Variants in ANXA4 observed in about 807,000 individuals in gnomAD.
ANXA4 encodes annexin A4, also known as 35-beta calcimedin.
In ANXA4, 39 loss-of-function variants were observed where a neutral mutation model predicts 49.8. The observed-to-expected ratio is 0.78, with a 90% CI of 0.61 to 1.02. The LOEUF (loss-of-function observed/expected upper bound fraction) is 1.02. Among genes scored for constraint, ANXA4 ranks in the 50% least tolerant of loss-of-function variants. ANXA4 has a pLI of 0.00. For missense variants in ANXA4, 360 were observed against 410.1 expected, an observed-to-expected ratio of 0.88 and a Z score of 1.05; for synonymous variants, 134 against 152.5, an observed-to-expected ratio of 0.88 and a Z score of 0.89.
Position 69,825,444 on chromosome 2 carries a change from C to A in ANXA4, c.907-12C>A. The A allele has an allele frequency of 6.3e-7, 1 of 1,599,006 alleles. No individual in the cohort carries two copies. Among genetic ancestry groups the A allele is most frequent in the Non-Finnish European group, 8.5e-7 (1 of 1,172,706 alleles). On this transcript the variant is annotated splice_polypyrimidine_tract_variant and intron_variant, in intron 12 of 12. Coordinates refer to ENST00000394295, the MANE Select transcript of ANXA4 (RefSeq NM_001153.5). ...AAATCTATTTATCTAACTTTGCTTCCCTATCGAACAGGGTGACACATCTGG... is the reference window on the plus strand; with the variant it reads ...AAATCTATTTATCTAACTTTGCTTCACTATCGAACAGGGTGACACATCTGG...
At chr2:69,778,562 C>T (rs545567716) in intron 1 of ANXA4, among the ~76,000 whole-genome samples, 5 of 151,910 alleles carry the variant, frequency 3.3e-5, no homozygotes, top group South Asian at 4.2e-4. Flanking sequence ...GATCACCTGA[C>T]GTCGGGAGTT....
chr2:69,754,090 T>C (rs1283907950), intron 1 of ANXA4, among the ~76,000 whole-genome samples: 3 of 152,254 alleles, frequency 2.0e-5, no homozygotes, highest in African/African-American at 7.2e-5. Context: ...AGATCTGGCC[T>C]ACCAGGAGTA....
chr2:69,644,904 A>C (rs1675943427), exon 1 of ANXA4: 1 of 152,216 alleles, frequency 6.6e-6, no homozygotes, highest in Non-Finnish European at 1.5e-5. Flanking sequence ...AAAATTTGGA[A>C]GGTCAGTTGG....
At chr2:69,670,376 G>T (rs1677126781) in intron 2 of ANXA4, among the ~76,000 whole-genome samples, 1 of 149,618 alleles carries the variant, frequency 6.7e-6, no homozygotes, top group African/African-American at 2.5e-5. Context: ...GGAGGTGGAG[G>T]TTGCAGTGAG....
At chr2:69,668,583 T>A (rs1037078089) in intron 2 of ANXA4, among the ~76,000 whole-genome samples, 1 of 152,228 alleles carries the variant, frequency 6.6e-6, no homozygotes, top group Non-Finnish European at 1.5e-5. Context: ...TCATTATATA[T>A]GTATAGACAC....
At chr2:69,751,810 G>A (rs1670853414) in intron 1 of ANXA4, among the ~76,000 whole-genome samples, 1 of 152,116 alleles carries the variant, frequency 6.6e-6, no homozygotes, top group Admixed American at 6.6e-5. Context: ...TCAGAACCTT[G>A]GCGTAGGGTC....
Position 69,825,499 on chromosome 2 carries a change from G to A in ANXA4, c.950G>A (p.Cys317Tyr). Residue 317 changes from cysteine to tyrosine, a missense_variant, in exon 13 of 13, where the codon TGT becomes TAT. By Grantham distance (194) the Cys-to-Tyr change is radical. Transcript: ENST00000394295. ...TACAGGAAAGTACTGCTTGTTCTCTGTGGAGGAGATGATTAAAATAAAAAT... is the reference window on the plus strand; with the variant it reads ...TACAGGAAAGTACTGCTTGTTCTCTATGGAGGAGATGATTAAAATAAAAAT... ...GDYRKVLLVL[C>Y]GGDD The A allele has an allele frequency of 5.6e-6, 9 of 1,608,220 alleles. No homozygotes were observed. The highest frequency in any genetic ancestry group is 6.8e-6 in the Non-Finnish European group (8 of 1,178,136).
chr2:69,657,967 T>C (rs1676567064), intron 2 of ANXA4, among the ~76,000 whole-genome samples: 1 of 152,184 alleles, frequency 6.6e-6, no homozygotes, highest in Admixed American at 6.5e-5. Context: ...CTTGAAGAAG[T>C]TCCCTTTAAT....
intron 3 of ANXA4, among the ~76,000 whole-genome samples, chr2:69,789,742 A>T (rs1004166666): frequency 6.6e-6 from 1 of 152,282 alleles, no homozygotes; most frequent in Non-Finnish European, 1.5e-5. Context: ...TGTGCCTTCT[A>T]TATAGAGCAG....
intron 2 of ANXA4, among the ~76,000 whole-genome samples, chr2:69,695,878 G>C (rs1678144039): frequency 6.6e-6 from 1 of 151,872 alleles, no homozygotes; most frequent in Non-Finnish European, 1.5e-5. Flanking sequence ...TCTTAAAAAA[G>C]TATATACCTT....
At chr2:69,684,865 A>T (rs1180461409) in intron 2 of ANXA4, among the ~76,000 whole-genome samples, 1 of 152,202 alleles carries the variant, frequency 6.6e-6, no homozygotes, top group Non-Finnish European at 1.5e-5. Flanking sequence ...ATAGAGAAAG[A>T]GCATAAACTT....
At chr2:69,692,653 T>A (rs946008498) in intron 2 of ANXA4, among the ~76,000 whole-genome samples, 3 of 152,226 alleles carry the variant, frequency 2.0e-5, no homozygotes, top group Admixed American at 6.5e-5. Flanking sequence ...TTAAGTGATG[T>A]CAGAGACCAA....
chr2:69,679,024 G>T (rs1402744528), intron 2 of ANXA4, among the ~76,000 whole-genome samples: 2 of 151,886 alleles, frequency 1.3e-5, no homozygotes, highest in Non-Finnish European at 2.9e-5. Context: ...CCTCTGTCAG[G>T]TCTGCTTTAG....
intron 2 of ANXA4, among the ~76,000 whole-genome samples, chr2:69,717,788 T>C (rs1343988778): frequency 6.6e-6 from 1 of 152,194 alleles, no homozygotes; most frequent in Non-Finnish European, 1.5e-5. Context: ...TTTGCTTGTT[T>C]CAGGCACTAA....
intron 1 of ANXA4, among the ~76,000 whole-genome samples, chr2:69,651,452 A>C (rs992552186): frequency 3.3e-5 from 5 of 152,070 alleles, no homozygotes; most frequent in Non-Finnish European, 5.9e-5. Flanking sequence ...TTTTTACCTC[A>C]ATCTGTATAC....
At chr2:69,744,500 G>A (rs533682447) in intron 1 of ANXA4, among the ~76,000 whole-genome samples, 1 of 152,294 alleles carries the variant, frequency 6.6e-6, no homozygotes, top group South Asian at 2.1e-4. Context: ...CTTGGGATTT[G>A]AGCTGCAATT....
intron 3 of ANXA4, among the ~76,000 whole-genome samples, chr2:69,726,190 G>A (rs1669959007): frequency 6.6e-6 from 1 of 152,164 alleles, no homozygotes; most frequent in Admixed American, 6.5e-5. Flanking sequence ...GTGAGTTCAT[G>A]AGATCTGATA....
intron 1 of ANXA4, among the ~76,000 whole-genome samples, chr2:69,749,588 A>G (rs1464898916): frequency 6.6e-6 from 1 of 152,154 alleles, no homozygotes; most frequent in Non-Finnish European, 1.5e-5. Context: ...CAGTGAAGAT[A>G]TTTTTTAAAA....
chr2:69,715,533 G>A (rs1157919259), intron 2 of ANXA4, among the ~76,000 whole-genome samples: 1 of 152,210 alleles, frequency 6.6e-6, no homozygotes, highest in Non-Finnish European at 1.5e-5. Flanking sequence ...AAAGGGAGAT[G>A]GTCAAATATA....
Sources: allele counts gnomAD v4.1 joint callset (sites outside exome capture counted in the v4.1 genomes callset), GRCh38; gene constraint gnomAD v4.1.1; transcripts MANE v1.5; gene names NCBI Gene and HGNC (gene_info 2026-07-23, HGNC 2026-07-21).